Variants in GSK3B observed in about 807,000 individuals in gnomAD.
GSK3B encodes the protein glycogen synthase kinase-3 beta.
Under a neutral mutation model 56.4 loss-of-function variants are expected in GSK3B, and 15 were observed. The ratio of observed to expected loss-of-function variants is 0.27; its 90% CI spans 0.18 to 0.41. GSK3B has a LOEUF of 0.41. Ranked by LOEUF, GSK3B falls within the 10% of genes least tolerant of loss-of-function variation. The pLI is 1.00. For missense variants in GSK3B, 300 were observed against 513.4 expected (o/e 0.58, Z 4.02); for synonymous variants, 181 against 188.9 (o/e 0.96, Z 0.34).
intron 7 of GSK3B, among the ~76,000 whole-genome samples, chr3:119,899,959 T>A (rs763155621): frequency 4.6e-5 from 7 of 152,122 alleles, no homozygotes; most frequent in African/African-American, 4.8e-5. Flanking sequence ...ATCTGTGTTG[T>A]ACTTTCAAAT....
At chr3:119,950,392 G>A (rs990382067) in intron 2 of GSK3B, among the ~76,000 whole-genome samples, 3 of 152,056 alleles carry the variant, frequency 2.0e-5, no homozygotes, top group African/African-American at 7.3e-5. Flanking sequence ...AAGATCTAGG[G>A]AAGATGGTTA....
At chr3:119,979,103 A>T (rs2057436626) in intron 2 of GSK3B, among the ~76,000 whole-genome samples, 1 of 152,156 alleles carries the variant, frequency 6.6e-6, no homozygotes, top group South Asian at 2.1e-4. Context: ...TTTTACTGTA[A>T]CACAGCCTGG....
intron 2 of GSK3B, among the ~76,000 whole-genome samples, chr3:119,972,776 C>CA (rs1215379596): frequency 6.6e-6 from 1 of 152,066 alleles, no homozygotes; most frequent in Non-Finnish European, 1.5e-5. Context: ...ATTTTTTAAG[C>CA]AATTATACCT....
chr3:120,092,293 G>T (rs557345340), intron 1 of GSK3B, among the ~76,000 whole-genome samples: 36 of 152,194 alleles, frequency 2.4e-4, no homozygotes, highest in African/African-American at 8.7e-4. Flanking sequence ...CCTGAACACA[G>T]CCCAAATATC....
intron 1 of GSK3B, among the ~76,000 whole-genome samples, chr3:120,083,343 T>TG (rs2058437038): frequency 1.3e-5 from 2 of 152,086 alleles, no homozygotes; most frequent in South Asian, 4.2e-4. Context: ...CAACGGGGCC[T>TG]GGAGAACAAC....
intron 7 of GSK3B, among the ~76,000 whole-genome samples, chr3:119,892,841 G>C (rs2056518674): frequency 6.6e-6 from 1 of 152,100 alleles, no homozygotes; most frequent in Admixed American, 6.6e-5. Context: ...GTGTTGGGTT[G>C]TGTTAGATTG....
intron 10 of GSK3B, among the ~76,000 whole-genome samples, chr3:119,835,397 A>T (rs2055675001): frequency 6.6e-6 from 1 of 152,212 alleles, no homozygotes; most frequent in Non-Finnish European, 1.5e-5. Context: ...AACAACAAAA[A>T]CAAAAAACCC....
At chr3:119,881,840 T>A (rs1021712596) in intron 7 of GSK3B, among the ~76,000 whole-genome samples, 10 of 152,176 alleles carry the variant, frequency 6.6e-5, no homozygotes. Flanking sequence ...GTTTGTCCCA[T>A]GCTGTTCTCA....
intron 5 of GSK3B, among the ~76,000 whole-genome samples, chr3:119,915,774 C>T (rs576520132): frequency 5.7e-4 from 87 of 152,098 alleles, no homozygotes; most frequent in African/African-American, 1.6e-3. Context: ...ATAAACAATG[C>T]TATAATAAAA....
intron 8 of GSK3B, among the ~76,000 whole-genome samples, chr3:119,865,435 G>GAGATATATATATAT (rs1378898524): frequency 3.5e-5 from 1 of 28,638 alleles, no homozygotes; most frequent in Non-Finnish European, 7.0e-5. Flanking sequence ...GCTTATTTCC[G>GAGATATATATATAT]ATATATATAT....
Position 119,825,833 on chromosome 3 carries a change from A to G in GSK3B, c.*955T>C. On this transcript the variant is annotated 3_prime_UTR_variant, in exon 11 of 11. Transcript: ENST00000264235. ...CAAGTGTATCTTTCCAAGGGAAGTAACTTTAGAAAAAAATCTGGACAAACT... is the reference window on the plus strand; with the variant it reads ...CAAGTGTATCTTTCCAAGGGAAGTAGCTTTAGAAAAAAATCTGGACAAACT... The G allele has an allele frequency of 4.6e-6, 1 of 219,012 alleles. No homozygotes were observed. 13.6% of individuals were successfully genotyped at this position (219,012 alleles called of 1,614,324 possible).
chr3:119,913,928 A>G (rs1323911542), intron 5 of GSK3B, among the ~76,000 whole-genome samples: 2 of 152,138 alleles, frequency 1.3e-5, no homozygotes, highest in Non-Finnish European at 2.9e-5. Flanking sequence ...AGTTTTCAGC[A>G]TAATTGATAG....
intron 7 of GSK3B, among the ~76,000 whole-genome samples, chr3:119,892,103 G>GT (rs1039168652): frequency 1.3e-5 from 2 of 152,096 alleles, no homozygotes; most frequent in African/African-American, 4.8e-5. Flanking sequence ...CCACAACGTT[G>GT]TTTATTTTAT....
intron 7 of GSK3B, among the ~76,000 whole-genome samples, chr3:119,888,729 T>C (rs1219389144): frequency 6.6e-6 from 1 of 152,098 alleles, no homozygotes; most frequent in African/African-American, 2.4e-5. Flanking sequence ...AGAGAGCCTA[T>C]AAATGGATGT....
At chr3:120,081,527 C>T (rs955504084) in intron 1 of GSK3B, among the ~76,000 whole-genome samples, 9 of 152,168 alleles carry the variant, frequency 5.9e-5, no homozygotes, top group Admixed American at 5.2e-4. Context: ...AGCCTGGCAA[C>T]AGAGCGAGAC....
At chr3:119,949,214 T>C (rs2057130897) in intron 2 of GSK3B, among the ~76,000 whole-genome samples, 1 of 152,224 alleles carries the variant, frequency 6.6e-6, no homozygotes, top group South Asian at 2.1e-4. Context: ...AGATTGTGCA[T>C]AATACTTTTG....
chr3:119,834,631 C>T (rs1361068714), intron 10 of GSK3B, among the ~76,000 whole-genome samples: 1 of 152,012 alleles, frequency 6.6e-6, no homozygotes, highest in Non-Finnish European at 1.5e-5. Flanking sequence ...ACACAGGTAA[C>T]ATTTTCACTG....
intron 10 of GSK3B, 68 bp downstream of exon 10, chr3:119,843,187 T>C (rs1242869372): frequency 2.3e-5 from 22 of 948,616 alleles, no homozygotes; most frequent in Non-Finnish European, 3.0e-5. Context: ...AGTGCTGGGA[T>C]TACAGGTGTG....
intron 9 of GSK3B, among the ~76,000 whole-genome samples, chr3:119,844,053 C>A (rs1052117332): frequency 2.6e-5 from 4 of 152,080 alleles, no homozygotes; most frequent in African/African-American, 9.7e-5. Context: ...GGAAACTAAA[C>A]AACCTGCTCC....
Sources: gnomAD v4.1 joint callset for allele counts (sites outside exome capture counted in the v4.1 genomes callset) on GRCh38, gnomAD v4.1.1 for gene constraint, MANE v1.5 for transcripts, NCBI Gene and HGNC (gene_info 2026-07-23, HGNC 2026-07-21) for gene names.